UBE2B: variants seen among roughly 807,000 people sequenced by gnomAD.
UBE2B encodes ubiquitin conjugating enzyme E2 B.
A neutral mutation model predicts 24.6 loss-of-function variants in UBE2B; 11 were observed. The observed-to-expected ratio is 0.45, with a 90% CI of 0.28 to 0.74. UBE2B has a LOEUF of 0.74. Ranked by LOEUF, UBE2B falls within the 30% of genes least tolerant of loss-of-function variation. UBE2B has a pLI of 0.13. For synonymous variants in UBE2B, 68 were observed against 62.4 expected (o/e 1.09, Z -0.42); for missense variants, 78 against 185.6 (o/e 0.42, Z 3.37).
At chr5:134,383,926 C>A (rs1034050329) in intron 4 of UBE2B, among the ~76,000 whole-genome samples, 3 of 152,082 alleles carry the variant, frequency 2.0e-5, no homozygotes, top group East Asian at 1.9e-4. Flanking sequence ...TTTTTTCCTT[C>A]AGTGGAATTG....
At chr5:134,388,580 C>T (rs1440076284) in intron 5 of UBE2B, among the ~76,000 whole-genome samples, 167 bp downstream of exon 5, 1 of 152,118 alleles carries the variant, frequency 6.6e-6, no homozygotes, top group Non-Finnish European at 1.5e-5. Flanking sequence ...CAGTCCCTTT[C>T]CTGATTGTGT....
intron 2 of UBE2B, among the ~76,000 whole-genome samples, chr5:134,375,268 A>G (rs2149690152): frequency 6.6e-6 from 1 of 152,286 alleles, no homozygotes; most frequent in Non-Finnish European, 1.5e-5. Flanking sequence ...TGTAAATTTT[A>G]CCTACTATGT....
chr5:134,388,165 A>T (rs1161875138), intron 4 of UBE2B, 160 bp from the exon 5 acceptor site: 2 of 635,136 alleles, frequency 3.1e-6, no homozygotes, highest in African/African-American at 3.7e-5. Flanking sequence ...GGTGCAAAAT[A>T]AGAGACCTTA....
rs972251985 is a variant in UBE2B, at chr5:134,379,976, C to T, written c.152-743C>T. Among the ~76,000 whole-genome samples, 11 of 151,990 alleles carry T rather than the reference C, an allele frequency of 7.2e-5. No individual in the cohort carries two copies. The East Asian group carries it at 7.7e-4, about 11-fold the overall frequency. ...TGTCACCCAGACTAGAGTGCAATGG[C>T]GCGATCTCTGCTCACAGCAACCTCC... On this transcript the variant is annotated intron_variant, in intron 3 of 5. Coordinates refer to ENST00000265339, the MANE Select transcript of UBE2B (RefSeq NM_003337.4).
At chr5:134,374,325 G>C in intron 1 of UBE2B, 58 bp from the exon 2 acceptor site, 10 of 1,484,786 alleles carry the variant, frequency 6.7e-6, no homozygotes, top group Non-Finnish European at 9.2e-6. Context: ...AGGTGTTTAC[G>C]TGGCCTCCTT....
At chr5:134,387,809 T>G in intron 4 of UBE2B, among the ~76,000 whole-genome samples, 1 of 152,170 alleles carries the variant, frequency 6.6e-6, no homozygotes, top group Admixed American at 6.6e-5. Flanking sequence ...ATTTTTTTAC[T>G]TTTATTTTTT....
rs34928202 is a variant in UBE2B, at chr5:134,378,575, T to C, written c.151+1881T>C. On this transcript the variant is annotated intron_variant, in intron 3 of 5. Coordinates refer to ENST00000265339, the MANE Select transcript of UBE2B (RefSeq NM_003337.4). The stretch of plus-strand genomic sequence containing the variant: ...CCGAGTATCTGTCTTTTTAATATTC[T>C]GTATGATATGAAGTAGAATGTATGA... Among the ~76,000 whole-genome samples the C allele has an allele frequency of 4.7e-3, 710 of 152,302 alleles. 2 individuals are homozygous for C. The highest frequency in any genetic ancestry group is 7.6e-3 in the Non-Finnish European group (519 of 68,018).
At chr5:134,377,001 A>G (rs1361134437) in intron 3 of UBE2B, among the ~76,000 whole-genome samples, 1 of 152,232 alleles carries the variant, frequency 6.6e-6, no homozygotes, top group African/African-American at 2.4e-5. Context: ...TGAACACCAG[A>G]AGAGTAAATC....
chr5:134,385,247 T>A (rs1332322135), intron 4 of UBE2B, among the ~76,000 whole-genome samples: 5 of 152,226 alleles, frequency 3.3e-5, no homozygotes, highest in Non-Finnish European at 1.5e-5. Flanking sequence ...GACAGTAAGT[T>A]GGCTTTGAAG....
At chr5:134,386,791 A>G (rs1011511849) in intron 4 of UBE2B, among the ~76,000 whole-genome samples, 19 of 152,256 alleles carry the variant, frequency 1.2e-4, no homozygotes, top group Admixed American at 1.2e-3. Context: ...GAAATTATAA[A>G]TAATTAAAAA....
Position 134,382,155 on chromosome 5 carries a change from T to C in UBE2B, c.241+1347T>C, listed in dbSNP as rs34176678. Among the ~76,000 whole-genome samples the C allele has an allele frequency of 9.3e-3, 1,422 of 152,096 alleles. 11 individuals carry two copies. Among genetic ancestry groups the C allele is most frequent in the African/African-American group, 0.03 (1,259 of 41,492 alleles). On this transcript the variant is annotated intron_variant, in intron 4 of 5. Transcript: ENST00000265339. ...AATCTGTTGGCTAAAATTAAGCTTTTCAAAAATACAATTTTGGCCAGGCGT... is the reference window on the plus strand; with the variant it reads ...AATCTGTTGGCTAAAATTAAGCTTTCCAAAAATACAATTTTGGCCAGGCGT...
intron 1 of UBE2B, among the ~76,000 whole-genome samples, chr5:134,372,878 C>G (rs1758506860): frequency 6.6e-6 from 1 of 152,182 alleles, no homozygotes; most frequent in South Asian, 2.1e-4. Flanking sequence ...GTTACAGTCT[C>G]TGAAAGGAGA....
At chr5:134,372,480 G>GA (rs1463959892) in intron 1 of UBE2B, among the ~76,000 whole-genome samples, 1 of 152,146 alleles carries the variant, frequency 6.6e-6, no homozygotes, top group African/African-American at 2.4e-5. Flanking sequence ...TAGAGACATA[G>GA]AAAAAATAAG....
chr5:134,386,188 C>T (rs1170342007), intron 4 of UBE2B, among the ~76,000 whole-genome samples: 1 of 146,938 alleles, frequency 6.8e-6, no homozygotes, highest in Non-Finnish European at 1.5e-5. Flanking sequence ...TTAGCTGGGT[C>T]GTGGTTGTAC....
Position 134,388,339 on chromosome 5 carries a change from A to G in UBE2B, c.256A>G (p.Ser86Gly), listed in dbSNP as rs1293264657. The G allele has an allele frequency of 1.2e-6, 2 of 1,614,026 alleles. No homozygotes were observed. The highest frequency in any genetic ancestry group is 3.3e-5 in the Admixed American group (2 of 60,022). ...TGTCTTTGCAGTGTATGCTGATGGTAGCATATGTTTAGATATCCTTCAGAA... is the reference window on the plus strand; with the variant it reads ...TGTCTTTGCAGTGTATGCTGATGGTGGCATATGTTTAGATATCCTTCAGAA... ...MFHPNVYADG[S>G]ICLDILQNRW... is the part of the protein sequence containing the mutation. Residue 86 changes from serine to glycine, a missense_variant, in exon 5 of 6, where the codon AGC becomes GGC. By Grantham distance (56) the Ser-to-Gly change is moderately conservative. This residue lies in a region of UBE2B where 57 missense variants were observed against 167.7 expected (regional missense o/e 0.34). Coordinates refer to ENST00000265339, the MANE Select transcript of UBE2B (RefSeq NM_003337.4).
chr5:134,375,345 T>A (rs1322847269), intron 2 of UBE2B, among the ~76,000 whole-genome samples: 1 of 152,202 alleles, frequency 6.6e-6, no homozygotes, highest in Non-Finnish European at 1.5e-5. Context: ...CTAGACTTGA[T>A]CTATTTTTTC....
rs772138121 is a variant in UBE2B at position 134,388,415 on chromosome 5, T to C, written c.330+2T>C. The C allele has an allele frequency of 1.2e-6, 2 of 1,612,552 alleles. No individual in the cohort carries two copies. The highest frequency in any genetic ancestry group is 2.2e-5 in the South Asian group (2 of 91,068). On this transcript the variant is annotated splice_donor_variant, in intron 5 of 5. Transcript: ENST00000265339. LOFTEE classifies it high-confidence loss of function. ...TCTTCTATCTTAACATCAATTCAGGTAAGTGTGTGTTAGGATGTATTATAA... is the reference window on the plus strand; with the variant it reads ...TCTTCTATCTTAACATCAATTCAGGCAAGTGTGTGTTAGGATGTATTATAA...
chr5:134,374,423 T>A lies in UBE2B; in HGVS notation c.85T>A (p.Ser29Thr). ...ACCTGTGGGTGTCAGTGGCGCACCA[T>A]CTGAAAACAACATCATGCAGTGGAA... ...DPPVGVSGAP[S>T]ENNIMQWNAV... The change falls in exon 2 of 6, where the codon TCT becomes ACT. Residue 29 changes from serine to threonine, a missense_variant. Physicochemically the swap from Ser to Thr is moderately conservative, Grantham distance 58. Coordinates refer to ENST00000265339, the MANE Select transcript of UBE2B (RefSeq NM_003337.4). 6.4e-7 allele frequency: 1 copy of A among 1,557,268 alleles called. No homozygotes were observed. The highest frequency in any genetic ancestry group is 8.7e-7 in the Non-Finnish European group (1 of 1,149,350).
At chr5:134,381,290 C>T (rs1758705466) in intron 4 of UBE2B, among the ~76,000 whole-genome samples, 1 of 152,114 alleles carries the variant, frequency 6.6e-6, no homozygotes, top group Non-Finnish European at 1.5e-5. Flanking sequence ...AAGTTATACT[C>T]TGTCACCCCT....
Sources: gnomAD v4.1 joint callset for allele counts (sites outside exome capture counted in the v4.1 genomes callset) on GRCh38, gnomAD v4.1.1 for gene constraint, gnomAD v4.1.1 regional missense constraint, MANE v1.5 for transcripts, NCBI Gene and HGNC (gene_info 2026-07-23, HGNC 2026-07-21) for gene names.